Variants in NRG3 observed in about 807,000 individuals in gnomAD.
The protein encoded by NRG3 is neuregulin 3, also known as pro-neuregulin-3, membrane-bound isoform.
Under a neutral mutation model 66.9 loss-of-function variants are expected in NRG3, and 31 were observed. The ratio of observed to expected loss-of-function variants is 0.46; its 90% CI spans 0.35 to 0.63. The LOEUF is 0.63. Among genes scored for constraint, NRG3 ranks in the 20% least tolerant of loss-of-function variants. The pLI is 0.00. For synonymous variants in NRG3, 393 were observed against 359.4 expected (o/e 1.09, Z -1.06); for missense variants, 910 against 878.9 (o/e 1.04, Z -0.45).
chr10:82,748,691 G>A, intron 3 of NRG3, among the ~76,000 whole-genome samples: 1 of 149,850 alleles, frequency 6.7e-6, no homozygotes, highest in East Asian at 1.9e-4. Context: ...TTACTGCCAG[G>A]GACTGTTCTA....
At chr10:81,943,781 C>G (rs1848597133) in intron 1 of NRG3, among the ~76,000 whole-genome samples, 1 of 152,218 alleles carries the variant, frequency 6.6e-6, no homozygotes. Flanking sequence ...CTTACCATTA[C>G]AATCGTGGTG....
intron 6 of NRG3, among the ~76,000 whole-genome samples, chr10:82,964,087 T>C (rs190794188): frequency 3.6e-4 from 55 of 152,352 alleles, no homozygotes; most frequent in East Asian, 3.1e-3. Flanking sequence ...TGATTGAATA[T>C]AGATTCATAC....
intron 1 of NRG3, among the ~76,000 whole-genome samples, chr10:82,296,526 T>G (rs2080073347): frequency 6.6e-6 from 1 of 152,160 alleles, no homozygotes; most frequent in African/African-American, 2.4e-5. Context: ...TTAATTTATT[T>G]TTATTGATAA....
intron 4 of NRG3, among the ~76,000 whole-genome samples, chr10:82,882,326 C>A (rs1041244297): frequency 1.3e-5 from 2 of 152,160 alleles, no homozygotes; most frequent in African/African-American, 4.8e-5. Context: ...TTTCAAATCC[C>A]ATTGTCTAAA....
intron 6 of NRG3, among the ~76,000 whole-genome samples, chr10:82,973,433 T>C (rs1333643322): frequency 6.6e-6 from 1 of 152,212 alleles, no homozygotes; most frequent in African/African-American, 2.4e-5. Flanking sequence ...CAGCTAGTAA[T>C]TCAATTTTTT....
At chr10:82,421,859 A>G (rs2089103382) in intron 2 of NRG3, among the ~76,000 whole-genome samples, 2 of 151,974 alleles carry the variant, frequency 1.3e-5, no homozygotes, top group African/African-American at 4.8e-5. Context: ...AACTTTCTAG[A>G]AAAAAACCAT....
intron 2 of NRG3, among the ~76,000 whole-genome samples, chr10:82,618,933 T>A (rs2133588073): frequency 6.6e-6 from 1 of 151,732 alleles, no homozygotes; most frequent in African/African-American, 2.4e-5. Flanking sequence ...AGGAGTGATT[T>A]TTTTTTTTAT....
chr10:81,895,614 A>G (rs1435272849), intron 1 of NRG3, among the ~76,000 whole-genome samples: 1 of 152,142 alleles, frequency 6.6e-6, no homozygotes, highest in African/African-American at 2.4e-5. Flanking sequence ...ACTCTTAATG[A>G]TGAGATTATG....
chr10:82,562,172 T>C (rs2045092525), intron 2 of NRG3, among the ~76,000 whole-genome samples: 1 of 152,216 alleles, frequency 6.6e-6, no homozygotes, highest in Non-Finnish European at 1.5e-5. Flanking sequence ...GCTTATTACA[T>C]AGTAAACAAT....
At chr10:81,877,524 C>T (rs1034861130) in intron 1 of NRG3, among the ~76,000 whole-genome samples, 1 of 152,164 alleles carries the variant, frequency 6.6e-6, no homozygotes, top group African/African-American at 2.4e-5. Flanking sequence ...TTTTTCATTT[C>T]CCTGCCCTAT....
chr10:82,155,563 C>T lies in NRG3; in HGVS notation c.824-203176C>T, dbSNP rs1374506081. Among the ~76,000 whole-genome samples the T allele has an allele frequency of 7.3e-5, 11 of 151,540 alleles. 1 individual carries two copies. In the South Asian group the frequency reaches 1.2e-3, roughly 17 times the overall value. ...GTAAAAATGCTAATTACAAACATAT[C>T]GTAATAAAAAGGGTATGGCTTAATG... On this transcript the variant is annotated intron_variant, in intron 1 of 8. Coordinates refer to ENST00000372141, the MANE Select transcript of NRG3 (RefSeq NM_001010848.4).
At chr10:82,138,899 G>T (rs1016649986) in intron 1 of NRG3, among the ~76,000 whole-genome samples, 4 of 152,070 alleles carry the variant, frequency 2.6e-5, no homozygotes, top group Admixed American at 1.3e-4. Flanking sequence ...CTTGTGGGCA[G>T]CTGATTAGAT....
At chr10:82,058,537 T>A (rs1018955296) in intron 1 of NRG3, among the ~76,000 whole-genome samples, 2 of 150,796 alleles carry the variant, frequency 1.3e-5, no homozygotes, top group African/African-American at 4.8e-5. Context: ...GCCTTCAACT[T>A]TCTATTATAT....
chr10:82,771,526 G>A (rs1016091927), intron 3 of NRG3, among the ~76,000 whole-genome samples: 1 of 152,146 alleles, frequency 6.6e-6, no homozygotes, highest in Admixed American at 6.6e-5. Context: ...CTGATCTTCA[G>A]AAGTGTGGCA....
chr10:82,210,653 CAAA>C (rs1564667160), intron 1 of NRG3, among the ~76,000 whole-genome samples: 2 of 152,026 alleles, frequency 1.3e-5, no homozygotes, highest in East Asian at 3.9e-4. Context: ...GCAGTGAGAC[CAAA>C]AATCAAAGAG....
At chr10:82,618,709 A>ATAAAC (rs1285447314) in intron 2 of NRG3, among the ~76,000 whole-genome samples, 1 of 152,132 alleles carries the variant, frequency 6.6e-6, no homozygotes, top group Non-Finnish European at 1.5e-5. Context: ...AAATTGTTAA[A>ATAAAC]TAAACTATAT....
At chr10:81,992,378 A>G (rs924757436) in intron 1 of NRG3, among the ~76,000 whole-genome samples, 2 of 152,114 alleles carry the variant, frequency 1.3e-5, no homozygotes, top group Non-Finnish European at 2.9e-5. Context: ...TTGAGACTAT[A>G]TCTGCCCTTG....
intron 3 of NRG3, among the ~76,000 whole-genome samples, chr10:82,781,855 T>G (rs1261700113): frequency 2.0e-5 from 3 of 152,060 alleles, no homozygotes; most frequent in Non-Finnish European, 4.4e-5. Context: ...GTTCCTGTTA[T>G]TTAAAGAAAG....
Position 82,774,814 on chromosome 10 carries a change from C to CTTT in NRG3, c.1027+36168_1027+36170dup, listed in dbSNP as rs752687809. On this transcript the variant is annotated intron_variant, in intron 3 of 8. Coordinates refer to ENST00000372141, the MANE Select transcript of NRG3 (RefSeq NM_001010848.4). ...ATTCCCCAGTTTTATTTTCCTTTTT[C>CTTT]TTTTTTCTTTTTTTTTTTTTTTTTT... 2.3e-3 allele frequency among the ~76,000 whole-genome samples: 260 copies of CTTT among 111,926 alleles called. 13 individuals are homozygous for CTTT. Among genetic ancestry groups the CTTT allele is most frequent in the African/African-American group, 4.3e-3 (108 of 24,998 alleles). 73.4% of individuals were successfully genotyped at this position (111,926 alleles called of 152,430 possible).
Sources: gnomAD v4.1 joint callset for allele counts (sites outside exome capture counted in the v4.1 genomes callset) on GRCh38, gnomAD v4.1.1 for gene constraint, MANE v1.5 for transcripts, NCBI Gene and HGNC (gene_info 2026-07-23, HGNC 2026-07-21) for gene names.